ATF2: variants seen among roughly 807,000 people sequenced by gnomAD.
ATF2 encodes activating transcription factor 2, also known as cyclic AMP-dependent transcription factor ATF-2.
In ATF2, 24 loss-of-function variants were observed where a neutral mutation model predicts 60.6. That is an observed-to-expected ratio of 0.40 (90% CI 0.29 to 0.56). ATF2 has a LOEUF of 0.56. Ranked by LOEUF, ATF2 falls within the 20% of genes least tolerant of loss-of-function variation. The pLI, the probability that ATF2 is intolerant of heterozygous loss-of-function variation, is 0.54. For synonymous variants in ATF2, 206 were observed against 215.4 expected, an observed-to-expected ratio of 0.96 and a Z score of 0.38; for missense variants, 433 against 607.7, an observed-to-expected ratio of 0.71 and a Z score of 3.02.
intron 10 of ATF2, among the ~76,000 whole-genome samples, chr2:175,102,451 GAAGTA>G (rs1273010265): frequency 6.6e-6 from 1 of 152,138 alleles, no homozygotes; most frequent in African/African-American, 2.4e-5. Flanking sequence ...AGTACTCTAA[GAAGTA>G]AAGATTGAGC....
intron 2 of ATF2, among the ~76,000 whole-genome samples, chr2:175,149,160 G>T (rs548820730): frequency 6.6e-6 from 1 of 152,262 alleles, no homozygotes; most frequent in South Asian, 2.1e-4. Flanking sequence ...TAAAATGTTT[G>T]GATTCCACCA....
intron 3 of ATF2, among the ~76,000 whole-genome samples, chr2:175,132,201 A>C (rs1697783201): frequency 6.6e-6 from 1 of 152,240 alleles, no homozygotes; most frequent in South Asian, 2.1e-4. Context: ...CCGCTCTCAC[A>C]TTATGAGAAT....
chr2:175,121,794 A>G (rs1696972936), intron 4 of ATF2, among the ~76,000 whole-genome samples: 3 of 151,602 alleles, frequency 2.0e-5, no homozygotes, highest in Admixed American at 2.0e-4. Flanking sequence ...AGCATTTAAA[A>G]ATAAAATTGG....
chr2:175,153,656 C>T (rs945092095), intron 1 of ATF2, among the ~76,000 whole-genome samples: 11 of 151,928 alleles, frequency 7.2e-5, no homozygotes, highest in Middle Eastern at 3.4e-3. Context: ...GGTGAAACCC[C>T]CGTCTCTACT....
chr2:175,108,398 C>T (rs1275139323), intron 10 of ATF2, among the ~76,000 whole-genome samples: 3 of 151,340 alleles, frequency 2.0e-5, no homozygotes, highest in Admixed American at 6.6e-5. Context: ...GGCCAGCCGC[C>T]CCGTCCGGGA....
At chr2:175,149,218 T>C (rs567225414) in intron 2 of ATF2, among the ~76,000 whole-genome samples, 13 of 152,232 alleles carry the variant, frequency 8.5e-5, no homozygotes, top group Middle Eastern at 6.8e-3. Flanking sequence ...TGCCCCAAGG[T>C]TATATAAGCT....
intron 1 of ATF2, among the ~76,000 whole-genome samples, chr2:175,166,815 T>C (rs1397203318): frequency 6.6e-6 from 1 of 152,186 alleles, no homozygotes; most frequent in Non-Finnish European, 1.5e-5. Flanking sequence ...TAAATGTATA[T>C]CTTAAATGCA....
chr2:175,117,765 A>G (rs1696681762), intron 7 of ATF2, among the ~76,000 whole-genome samples: 1 of 151,966 alleles, frequency 6.6e-6, no homozygotes, highest in African/African-American at 2.4e-5. Flanking sequence ...TCTTTTAAAA[A>G]TAAGTTTTAT....
At chr2:175,134,326 T>G (rs1697970822) in intron 3 of ATF2, among the ~76,000 whole-genome samples, 1 of 152,050 alleles carries the variant, frequency 6.6e-6, no homozygotes, top group East Asian at 1.9e-4. Context: ...CATCCTCAAA[T>G]TTTGGTATCT....
intron 1 of ATF2, among the ~76,000 whole-genome samples, chr2:175,161,168 A>C (rs1303742567): frequency 6.6e-6 from 1 of 152,218 alleles, no homozygotes; most frequent in African/African-American, 2.4e-5. Context: ...TGGAACAAAA[A>C]AATATGAGAC....
chr2:175,094,992 G>A (rs573552484), intron 11 of ATF2, among the ~76,000 whole-genome samples: 84 of 152,078 alleles, frequency 5.5e-4, no homozygotes, highest in African/African-American at 1.8e-3. Flanking sequence ...AAATTAGAGC[G>A]TTTATTTTAC....
chr2:175,123,171 A>G (rs552256729), intron 4 of ATF2, among the ~76,000 whole-genome samples: 7 of 152,148 alleles, frequency 4.6e-5, no homozygotes, highest in African/African-American at 1.4e-4. Flanking sequence ...ATCTCCCCCA[A>G]TTTTGGAGAA....
chr2:175,160,298 T>C (rs1290189145), intron 1 of ATF2, among the ~76,000 whole-genome samples: 9 of 152,232 alleles, frequency 5.9e-5, no homozygotes, highest in Admixed American at 1.3e-4. Context: ...GGTGGGAGGA[T>C]TGCTGAAGCC....
At chr2:175,079,827 T>A (rs212348) in intron 13 of ATF2, among the ~76,000 whole-genome samples, 39,705 of 152,068 alleles carry the variant, frequency 0.26, 6,158 homozygotes, top group African/African-American at 0.44. Context: ...TCACATTTAC[T>A]AATATCCTGA....
chr2:175,101,544 T>A (rs966750254), intron 10 of ATF2, among the ~76,000 whole-genome samples: 1 of 152,086 alleles, frequency 6.6e-6, no homozygotes, highest in Non-Finnish European at 1.5e-5. Context: ...TAGGTAGAAA[T>A]TATCATAGAA....
At chr2:175,105,889 A>G (rs1695623382) in intron 10 of ATF2, among the ~76,000 whole-genome samples, 1 of 152,216 alleles carries the variant, frequency 6.6e-6, no homozygotes, top group African/African-American at 2.4e-5. Context: ...GCACTTCTAA[A>G]TAACTCACAG....
At chr2:175,141,060 T>TATATATATATATGTATAC (rs1445235585) in intron 2 of ATF2, among the ~76,000 whole-genome samples, 1 of 128,246 alleles carries the variant, frequency 7.8e-6, no homozygotes, top group African/African-American at 3.0e-5. Context: ...TATGTATATA[T>TATATATATATATGTATAC]ATATGTGTGT....
intron 2 of ATF2, among the ~76,000 whole-genome samples, chr2:175,148,236 T>A (rs879865285): frequency 6.6e-6 from 1 of 152,126 alleles, no homozygotes; most frequent in Non-Finnish European, 1.5e-5. Flanking sequence ...CTCTTTTTAC[T>A]TGAATTTATC....
chr2:175,130,346 TTCTA>T (rs774522400), intron 3 of ATF2, 139 bp from the exon 4 acceptor site: 4 of 504,136 alleles, frequency 7.9e-6, no homozygotes, highest in South Asian at 7.0e-5. Context: ...GACATTTTAA[TTCTA>T]TCTTTCTTAT....
Sources: allele counts gnomAD v4.1 joint callset (sites outside exome capture counted in the v4.1 genomes callset), GRCh38; gene constraint gnomAD v4.1.1; transcripts MANE v1.5; gene names NCBI Gene and HGNC (gene_info 2026-07-23, HGNC 2026-07-21).